DTNA: variants seen among roughly 807,000 people sequenced by gnomAD.
DTNA encodes dystrobrevin alpha.
DTNA carries 43 observed loss-of-function variants against 100.7 expected under a neutral mutation model. That is an observed-to-expected ratio of 0.43 (90% CI 0.33 to 0.55). The LOEUF (loss-of-function observed/expected upper bound fraction) is 0.55, where lower values mean the gene tolerates loss of function less well. Among genes scored for constraint, DTNA ranks in the 20% least tolerant of loss-of-function variants. The pLI is 0.04. For synonymous variants in DTNA, 349 were observed against 347.9 expected (o/e 1.00, Z -0.04); for missense variants, 798 against 953.9 (o/e 0.84, Z 2.15).
intron 13 of DTNA, among the ~76,000 whole-genome samples, chr18:34,844,061 C>G (rs2096327200): frequency 6.6e-6 from 1 of 151,988 alleles, no homozygotes; most frequent in Non-Finnish European, 1.5e-5. Flanking sequence ...AAAGATATTT[C>G]CTTAGAATCC....
intron 11 of DTNA, among the ~76,000 whole-genome samples, chr18:34,837,220 T>C (rs919233109): frequency 6.6e-6 from 1 of 152,134 alleles, no homozygotes. Flanking sequence ...ACTTAACCTA[T>C]AGAGGAGCAA....
chr18:34,679,209 T>C (rs1384416930), intron 1 of DTNA, among the ~76,000 whole-genome samples: 2 of 152,212 alleles, frequency 1.3e-5, no homozygotes, highest in Non-Finnish European at 2.9e-5. Context: ...AGCTTTTAAA[T>C]CTTGGATGAT....
At chr18:34,739,650 TAGA>T (rs1200866793) in intron 1 of DTNA, among the ~76,000 whole-genome samples, 2 of 152,128 alleles carry the variant, frequency 1.3e-5, no homozygotes, top group Non-Finnish European at 2.9e-5. Context: ...TTTTTTACAC[TAGA>T]AGGAGGAACT....
chr18:34,585,327 GA>G (rs2049019358), intron 1 of DTNA, among the ~76,000 whole-genome samples: 1 of 152,078 alleles, frequency 6.6e-6, no homozygotes, highest in African/African-American at 2.4e-5. Context: ...TGGAGAGTTT[GA>G]GGAAATATAA....
intron 1 of DTNA, among the ~76,000 whole-genome samples, chr18:34,534,393 T>C (rs2043467937): frequency 6.6e-6 from 1 of 152,092 alleles, no homozygotes; most frequent in Non-Finnish European, 1.5e-5. Context: ...TTTAAAATAA[T>C]GTGTCTGAGA....
intron 1 of DTNA, among the ~76,000 whole-genome samples, chr18:34,535,097 A>G (rs1319874739): frequency 6.6e-6 from 1 of 152,120 alleles, no homozygotes; most frequent in African/African-American, 2.4e-5. Flanking sequence ...GAACTAATTT[A>G]CACTCCCACC....
At chr18:34,802,977 TA>T (rs2095263973) in intron 4 of DTNA, among the ~76,000 whole-genome samples, 2 of 152,170 alleles carry the variant, frequency 1.3e-5, no homozygotes, top group South Asian at 4.1e-4. Flanking sequence ...AATGTTCTTT[TA>T]AAAAAGATCC....
chr18:34,535,265 G>A (rs925563098), intron 1 of DTNA, among the ~76,000 whole-genome samples: 8 of 151,924 alleles, frequency 5.3e-5, no homozygotes, highest in Admixed American at 3.9e-4. Flanking sequence ...TTTTTTTCAC[G>A]TTTCTTGGCC....
In DTNA at chr18:34,891,695, C is replaced by G. The variant is rs2096965407; in HGVS notation, c.*3961C>G. ...GTGAGTTTGAAATTCTAACAGCTAA[C>G]ATATTTCATGTTTGTATCACACACT... is the stretch of plus-strand genomic sequence containing the variant. On this transcript the variant is annotated 3_prime_UTR_variant, in exon 23 of 23. Transcript: ENST00000444659. 1 of 152,242 alleles carries G rather than the reference C, an allele frequency of 6.6e-6. No homozygotes were observed. Among genetic ancestry groups the G allele is most frequent in the Non-Finnish European group, 1.5e-5 (1 of 68,048 alleles). 9.4% of individuals were successfully genotyped at this position (152,242 alleles called of 1,614,324 possible). A position where few individuals can be genotyped will look rare whatever the true frequency, so the allele number is the denominator to read the frequency against.
At chr18:34,613,286 A>G (rs1307162365) in intron 1 of DTNA, among the ~76,000 whole-genome samples, 2 of 151,890 alleles carry the variant, frequency 1.3e-5, no homozygotes, top group East Asian at 1.9e-4. Context: ...CTATCCTCCA[A>G]CCTCCCTATT....
chr18:34,512,271 T>A (rs1270963239), intron 1 of DTNA, among the ~76,000 whole-genome samples: 1 of 152,034 alleles, frequency 6.6e-6, no homozygotes, highest in East Asian at 1.9e-4. Context: ...ATAGTTTGCC[T>A]TTTTAACTTA....
At chr18:34,760,611 A>T (rs1439340611) in intron 2 of DTNA, among the ~76,000 whole-genome samples, 2 of 152,178 alleles carry the variant, frequency 1.3e-5, no homozygotes, top group Non-Finnish European at 2.9e-5. Flanking sequence ...CATCACAAAA[A>T]TACCTATCAT....
At chr18:34,711,481 A>T (rs1037543920) in intron 1 of DTNA, among the ~76,000 whole-genome samples, 5 of 152,170 alleles carry the variant, frequency 3.3e-5, no homozygotes, top group African/African-American at 1.2e-4. Context: ...AACCTAATTA[A>T]ATAGTAGCAA....
intron 3 of DTNA, among the ~76,000 whole-genome samples, chr18:34,783,629 T>C (rs977422214): frequency 1.3e-5 from 2 of 152,224 alleles, no homozygotes; most frequent in Non-Finnish European, 2.9e-5. Flanking sequence ...TATAAAGGTA[T>C]AGCTCATGCT....
Position 34,858,280 on chromosome 18 carries a change from C to T in DTNA, c.1533-5C>T, listed in dbSNP as rs1413163563. 2 of 1,613,804 alleles carry T rather than the reference C, an allele frequency of 1.2e-6. No individual in the cohort carries two copies. Among genetic ancestry groups the T allele is most frequent in the East Asian group, 2.2e-5 (1 of 44,878 alleles). On this transcript the variant is annotated splice_region_variant and splice_polypyrimidine_tract_variant and intron_variant, in intron 15 of 22. Transcript: ENST00000444659. ...TGGTTTCTCACCTTCCTCCTCTCTC[C>T]CAAGAGAAATCTTACAGGAGATCCA...
At chr18:34,684,557 T>C (rs757611451) in intron 1 of DTNA, among the ~76,000 whole-genome samples, 9 of 152,006 alleles carry the variant, frequency 5.9e-5, no homozygotes, top group Non-Finnish European at 1.0e-4. Context: ...TTTATGGGCA[T>C]TTGGGTTGGT....
intron 1 of DTNA, among the ~76,000 whole-genome samples, chr18:34,727,144 C>T (rs1289154680): frequency 6.6e-6 from 1 of 152,192 alleles, no homozygotes; most frequent in Non-Finnish European, 1.5e-5. Flanking sequence ...AGCTGGGATG[C>T]TGGGAGCAGT....
At chr18:34,671,373 C>T (rs2076735332) in intron 1 of DTNA, among the ~76,000 whole-genome samples, 1 of 152,198 alleles carries the variant, frequency 6.6e-6, no homozygotes. Flanking sequence ...ACCCCTTGTG[C>T]TTCCCAGGTG....
At chr18:34,685,831 T>A (rs982338253) in intron 1 of DTNA, among the ~76,000 whole-genome samples, 11 of 152,234 alleles carry the variant, frequency 7.2e-5, no homozygotes, top group African/African-American at 2.4e-4. Flanking sequence ...TGGTTTGTAG[T>A]TCTCCTTGAA....
Sources: allele counts gnomAD v4.1 joint callset (sites outside exome capture counted in the v4.1 genomes callset), GRCh38; gene constraint gnomAD v4.1.1; transcripts MANE v1.5; gene names NCBI Gene and HGNC (gene_info 2026-07-23, HGNC 2026-07-21).